Variants in KIF11 observed in about 807,000 individuals in gnomAD.
KIF11 encodes the protein kinesin-like protein KIF11.
Under a neutral mutation model 121.0 loss-of-function variants are expected in KIF11, and 9 were observed. The observed-to-expected ratio is 0.07, with a 90% CI of 0.04 to 0.13. The LOEUF (loss-of-function observed/expected upper bound fraction) is 0.13, where lower values mean the gene tolerates loss of function less well. Among genes scored for constraint, KIF11 ranks in the 10% least tolerant of loss-of-function variants. The pLI, the probability that KIF11 is intolerant of heterozygous loss-of-function variation, is 1.00. For missense variants in KIF11, 846 were observed against 1,217.5 expected (o/e 0.69, Z 4.54); for synonymous variants, 408 against 421.0 (o/e 0.97, Z 0.38).
At chr10:92,615,766 T>G (rs935658530) in intron 8 of KIF11, among the ~76,000 whole-genome samples, 3 of 152,170 alleles carry the variant, frequency 2.0e-5, no homozygotes, top group Non-Finnish European at 4.4e-5. Flanking sequence ...TCAAGGTTCA[T>G]CTGTGTTGTA....
intron 9 of KIF11, among the ~76,000 whole-genome samples, chr10:92,620,504 A>G (rs976004279): frequency 6.6e-6 from 1 of 152,090 alleles, no homozygotes; most frequent in African/African-American, 2.4e-5. Flanking sequence ...CTAGATTTAA[A>G]CTATTTGTGT....
intron 12 of KIF11, among the ~76,000 whole-genome samples, chr10:92,631,368 T>G (rs1193794457): frequency 6.7e-6 from 1 of 150,186 alleles, no homozygotes. Flanking sequence ...TTTTTTTTTT[T>G]TTTTGAGACG....
rs1459021069 is a variant in KIF11, at chr10:92,613,909, GA to G, written c.1032+292del. ...GAGGATCACTTAAGCCTGGGAGGCA[GA>G]AGTTGCATTAAGCTGAGATCATGCA... On this transcript the variant is annotated intron_variant, in intron 8 of 21. Transcript: ENST00000260731. This position sits in a 1 kb window ranked among gnomAD's most constrained non-coding sequence, Gnocchi z 4.2. Among the ~76,000 whole-genome samples the G allele has an allele frequency of 6.6e-6, 1 of 151,416 alleles. No individual in the cohort carries two copies. Among genetic ancestry groups the G allele is most frequent in the Non-Finnish European group, 1.5e-5 (1 of 67,942 alleles).
chr10:92,650,011 T>C (rs2135925773), intron 20 of KIF11, 25 bp downstream of exon 20: 1 of 1,561,998 alleles, frequency 6.4e-7, no homozygotes, highest in Non-Finnish European at 8.8e-7. Flanking sequence ...TCATATTTTA[T>C]AATAGAACTC....
intron 9 of KIF11, among the ~76,000 whole-genome samples, chr10:92,619,774 TTATA>T (rs1156241364): frequency 6.6e-6 from 1 of 151,464 alleles, no homozygotes; most frequent in African/African-American, 2.4e-5. Flanking sequence ...TATTTGATGT[TTATA>T]TATTTATGTA....
intron 1 of KIF11, among the ~76,000 whole-genome samples, chr10:92,597,800 C>T (rs1290850156): frequency 2.0e-5 from 3 of 151,764 alleles, no homozygotes; most frequent in African/African-American, 4.8e-5. Flanking sequence ...TACAGGCATG[C>T]GCCACCACGC....
intron 21 of KIF11, among the ~76,000 whole-genome samples, chr10:92,652,994 T>C (rs1274298919): frequency 2.6e-5 from 4 of 152,158 alleles, no homozygotes; most frequent in Non-Finnish European, 5.9e-5. Context: ...TATGGGTAAG[T>C]AGGATTCCAA....
At chr10:92,616,677 T>C in intron 8 of KIF11, 60 bp from the exon 9 acceptor site, 1 of 830,788 alleles carries the variant, frequency 1.2e-6, no homozygotes, top group Admixed American at 2.2e-5. Flanking sequence ...ATATTTTAGA[T>C]AACAGAACTA....
rs142671369 is a variant in KIF11 at position 92,595,104 on chromosome 10, G to C, written c.77+1652G>C. On this transcript the variant is annotated intron_variant, in intron 1 of 21. Transcript: ENST00000260731. ...TTTGAGACGGAGTCTCGCTCTCTTA[G>C]GCCGTAGTGCAGTGGTGCAATCTCA... is the stretch of plus-strand genomic sequence containing the variant. Among the ~76,000 whole-genome samples, 178 of 152,274 alleles carry C rather than the reference G, an allele frequency of 1.2e-3. 1 individual carries two copies. Among genetic ancestry groups the C allele is most frequent in the African/African-American group, 4.1e-3 (171 of 41,546 alleles).
At chr10:92,611,752 A>G (rs1256606941) in intron 6 of KIF11, among the ~76,000 whole-genome samples, 2 of 152,094 alleles carry the variant, frequency 1.3e-5, no homozygotes, top group Admixed American at 1.3e-4. Context: ...TACAAAAATT[A>G]GCTTGGTGTG....
At chr10:92,624,565 G>A (rs1469359818) in intron 10 of KIF11, among the ~76,000 whole-genome samples, 1 of 152,010 alleles carries the variant, frequency 6.6e-6, no homozygotes, top group Non-Finnish European at 1.5e-5. Context: ...TGCCTGTGTA[G>A]TATTCCATGG....
Position 92,628,884 on chromosome 10 carries a change from G to A in KIF11, c.1294G>A (p.Glu432Lys), listed in dbSNP as rs1589600684. The A allele has an allele frequency of 1.9e-6, 3 of 1,558,002 alleles. No homozygotes were observed. The highest frequency in any genetic ancestry group is 2.7e-6 in the Non-Finnish European group (3 of 1,131,704). The change falls in exon 11 of 22, where the codon GAG becomes AAG. Residue 432 changes from glutamate (E) to lysine (K), a missense_variant. Transcript: ENST00000260731. ...LIEKIGAVEEELNRVTELFMD... is the reference protein window; with the variant it reads ...LIEKIGAVEEKLNRVTELFMD... ...TGAAAAAATTGGTGCTGTTGAGGAGGAGCTGAATAGGGTAAGCACTTAAAA... is the reference window on the plus strand; with the variant it reads ...TGAAAAAATTGGTGCTGTTGAGGAGAAGCTGAATAGGGTAAGCACTTAAAA...
intron 18 of KIF11, 90 bp from the exon 19 acceptor site, chr10:92,648,122 A>G (rs993703578): frequency 1.1e-6 from 1 of 921,640 alleles, no homozygotes; most frequent in Non-Finnish European, 1.6e-6. Flanking sequence ...AAAAAAAAAA[A>G]TTATGGAAAA....
chr10:92,650,653 G>A, intron 21 of KIF11, 136 bp downstream of exon 21: 1 of 604,990 alleles, frequency 1.7e-6, no homozygotes, highest in Non-Finnish European at 2.9e-6. Flanking sequence ...TAACGCTTAT[G>A]ATTTGAATTA....
At chr10:92,612,501 T>C (rs2077137134) in intron 6 of KIF11, among the ~76,000 whole-genome samples, 1 of 152,222 alleles carries the variant, frequency 6.6e-6, no homozygotes, top group African/African-American at 2.4e-5. Context: ...GTGATTATCT[T>C]GTAGTGTTTT....
chr10:92,638,329 T>C (rs369541719), intron 16 of KIF11, among the ~76,000 whole-genome samples: 1 of 152,202 alleles, frequency 6.6e-6, no homozygotes. Flanking sequence ...TCTAATAGTA[T>C]GTAGATCATC....
intron 1 of KIF11, among the ~76,000 whole-genome samples, chr10:92,603,478 T>G (rs1350833313): frequency 1.3e-5 from 2 of 151,788 alleles, no homozygotes; most frequent in African/African-American, 4.8e-5. Flanking sequence ...CTCGGCTCAC[T>G]GCAGCCTCCA....
intron 10 of KIF11, among the ~76,000 whole-genome samples, chr10:92,625,889 C>T (rs140843020): frequency 6.1e-4 from 93 of 152,196 alleles, no homozygotes; most frequent in African/African-American, 2.0e-3. Context: ...AGGATCTCTA[C>T]GGTAAGAATT....
At chr10:92,648,680 A>AT (rs772821907) in intron 19 of KIF11, among the ~76,000 whole-genome samples, 2 of 152,180 alleles carry the variant, frequency 1.3e-5, no homozygotes, top group African/African-American at 4.8e-5. Flanking sequence ...TTAATAGGGG[A>AT]TTTTTTAAAA....
Sources: gnomAD v4.1 joint callset for allele counts (sites outside exome capture counted in the v4.1 genomes callset) on GRCh38, gnomAD v4.1.1 for gene constraint, Gnocchi (gnomAD v3.1) non-coding constraint, MANE v1.5 for transcripts, NCBI Gene and HGNC (gene_info 2026-07-23, HGNC 2026-07-21) for gene names.